CHRM3: variants seen among roughly 807,000 people sequenced by gnomAD.
The protein encoded by CHRM3 is cholinergic receptor muscarinic 3.
In CHRM3, 11 loss-of-function variants were observed where a neutral mutation model predicts 41.8. That is an observed-to-expected ratio of 0.26 (90% confidence interval 0.17 to 0.44). The LOEUF is 0.44. CHRM3 is among the 20% of genes least tolerant of loss of function. The pLI is 1.00. For synonymous variants in CHRM3, 297 were observed against 301.4 expected (o/e 0.99, Z 0.15); for missense variants, 571 against 745.4 (o/e 0.77, Z 2.72).
chr1:239,866,307 GCGGAGCTTGCAGTGAGCTGAGAT>G (rs1208321862), intron 6 of CHRM3, among the ~76,000 whole-genome samples: 3 of 152,058 alleles, frequency 2.0e-5, no homozygotes, highest in South Asian at 2.1e-4. Context: ...AACCCGGGAG[GCGGAGCTTGCAGTGAGCTGAGAT>G]CGGAGCTTGC....
At chr1:239,745,080 G>A (rs918629810) in intron 5 of CHRM3, among the ~76,000 whole-genome samples, 1 of 152,106 alleles carries the variant, frequency 6.6e-6, no homozygotes, top group East Asian at 1.9e-4. Context: ...GGAGGAAGTG[G>A]TGATGAGGTC....
chr1:239,708,973 T>A (rs145286388), intron 5 of CHRM3, among the ~76,000 whole-genome samples: 1 of 152,012 alleles, frequency 6.6e-6, no homozygotes, highest in Non-Finnish European at 1.5e-5. Context: ...GGTAAAAGCT[T>A]TCATTTTGTT....
chr1:239,695,251 C>G (rs1660078449), intron 5 of CHRM3, among the ~76,000 whole-genome samples: 1 of 152,042 alleles, frequency 6.6e-6, no homozygotes, highest in East Asian at 1.9e-4. Context: ...ACCTCGTGAT[C>G]CACCCGCCTC....
At chr1:239,799,367 A>G (rs187799959) in intron 5 of CHRM3, among the ~76,000 whole-genome samples, 7 of 152,324 alleles carry the variant, frequency 4.6e-5, no homozygotes, top group Non-Finnish European at 1.0e-4. Context: ...CCAATGCATC[A>G]TAAATGCCTT....
chr1:239,614,942 T>C (rs1667470129), intron 3 of CHRM3, among the ~76,000 whole-genome samples: 1 of 152,172 alleles, frequency 6.6e-6, no homozygotes, highest in Non-Finnish European at 1.5e-5. Flanking sequence ...AAAGTAATGC[T>C]TATTTTATAC....
chr1:239,614,568 G>T (rs898881521), intron 3 of CHRM3, among the ~76,000 whole-genome samples: 1 of 152,174 alleles, frequency 6.6e-6, no homozygotes, highest in African/African-American at 2.4e-5. Context: ...GATAATGGTT[G>T]TCAGGTCTTT....
intron 5 of CHRM3, among the ~76,000 whole-genome samples, chr1:239,747,404 A>C (rs779165304): frequency 6.6e-6 from 1 of 152,210 alleles, no homozygotes; most frequent in African/African-American, 2.4e-5. Context: ...GAATTACTCA[A>C]AGAGCAGTTT....
intron 5 of CHRM3, among the ~76,000 whole-genome samples, chr1:239,780,817 T>TTGTG (rs58429256): frequency 1.0e-4 from 15 of 150,550 alleles, no homozygotes; most frequent in Non-Finnish European, 1.3e-4. Context: ...CTACATTTAT[T>TTGTG]TGTGTGTGTG....
intron 3 of CHRM3, among the ~76,000 whole-genome samples, chr1:239,591,518 G>A (rs1205375759): frequency 2.0e-5 from 3 of 151,954 alleles, no homozygotes; most frequent in Non-Finnish European, 4.4e-5. Flanking sequence ...AATGACTGCA[G>A]CGGACTGCTT....
At chr1:239,589,638 CTATATATATATA>C (rs10592228) in intron 3 of CHRM3, among the ~76,000 whole-genome samples, 1,814 of 124,914 alleles carry the variant, frequency 0.015, 41 homozygotes, top group African/African-American at 0.049. Flanking sequence ...ATATAAAAAA[CTATATATATATA>C]TATATATATA....
intron 5 of CHRM3, among the ~76,000 whole-genome samples, chr1:239,765,287 A>G (rs956296187): frequency 6.6e-6 from 1 of 152,164 alleles, no homozygotes; most frequent in East Asian, 1.9e-4. Flanking sequence ...GTCCTCCCTG[A>G]TGCTCCATTG....
At chr1:239,471,456 G>T (rs1466108956) in intron 1 of CHRM3, among the ~76,000 whole-genome samples, 1 of 152,168 alleles carries the variant, frequency 6.6e-6, no homozygotes, top group South Asian at 2.1e-4. Context: ...ATGGAATGAC[G>T]CACAGTTGAC....
At chr1:239,441,318 A>G (rs893778835) in intron 1 of CHRM3, among the ~76,000 whole-genome samples, 1 of 152,216 alleles carries the variant, frequency 6.6e-6, no homozygotes, top group Non-Finnish European at 1.5e-5. Context: ...GCTCGTTTGC[A>G]TGCTTTTCTG....
rs529801696 is a variant in CHRM3, at chr1:239,519,949, G to A, written c.-421-25692G>A. 6.6e-5 allele frequency among the ~76,000 whole-genome samples: 10 copies of A among 151,862 alleles called. No individual in the cohort carries two copies. In the East Asian group the frequency reaches 1.2e-3, roughly 18 times the overall value. ...TTTTTAGTAGAGACGGGGTTTCCCC[G>A]TGTTAGCCCGGATGGTCTCGATCTC... On this transcript the variant is annotated intron_variant, in intron 2 of 6. Coordinates refer to ENST00000676153, the MANE Select transcript of CHRM3 (RefSeq NM_001375978.1).
chr1:239,503,195 A>G (rs951080645), intron 2 of CHRM3, among the ~76,000 whole-genome samples: 7 of 152,210 alleles, frequency 4.6e-5, no homozygotes, highest in African/African-American at 1.7e-4. Context: ...TAGAACGGAT[A>G]AAAGAACTTG....
chr1:239,881,247 C>G (rs1391009228), intron 6 of CHRM3, among the ~76,000 whole-genome samples: 1 of 129,274 alleles, frequency 7.7e-6, no homozygotes, highest in Non-Finnish European at 1.6e-5. Context: ...CCCGCCCCTG[C>G]ACTCCAGCCT....
At chr1:239,438,207 T>C (rs1379667176) in intron 1 of CHRM3, among the ~76,000 whole-genome samples, 1 of 152,094 alleles carries the variant, frequency 6.6e-6, no homozygotes, top group Non-Finnish European at 1.5e-5. Flanking sequence ...CACTATAGAA[T>C]TTTTTTTCTT....
intron 1 of CHRM3, among the ~76,000 whole-genome samples, chr1:239,478,610 A>G (rs1236402489): frequency 6.6e-6 from 1 of 152,214 alleles, no homozygotes; most frequent in Non-Finnish European, 1.5e-5. Flanking sequence ...AGACTCAAAA[A>G]TATGATGTAA....
At chr1:239,715,511 T>C (rs1219710274) in intron 5 of CHRM3, among the ~76,000 whole-genome samples, 2 of 152,130 alleles carry the variant, frequency 1.3e-5, no homozygotes, top group African/African-American at 4.8e-5. Context: ...GCATTCAGAA[T>C]ACCTTATTGA....
Sources: allele counts gnomAD v4.1 joint callset (sites outside exome capture counted in the v4.1 genomes callset), GRCh38; gene constraint gnomAD v4.1.1; transcripts MANE v1.5; gene names NCBI Gene and HGNC (gene_info 2026-07-23, HGNC 2026-07-21).